DOCK2: variants seen among roughly 807,000 people sequenced by gnomAD.
DOCK2 encodes the protein dedicator of cytokinesis protein 2.
In DOCK2, 87 loss-of-function variants were observed where a neutral mutation model predicts 248.9. That is an observed-to-expected ratio of 0.35 (90% CI 0.29 to 0.42). DOCK2 has a LOEUF of 0.42. Ranked by LOEUF, DOCK2 falls within the 10% of genes least tolerant of loss-of-function variation. The probability of loss-of-function intolerance (pLI) is 1.00; values close to 1 mark genes in which losing one functional copy is unlikely to be tolerated. For synonymous variants in DOCK2, 805 were observed against 821.6 expected (o/e 0.98, Z 0.35); for missense variants, 1,747 against 2,300.2 (o/e 0.76, Z 4.92).
intron 27 of DOCK2, among the ~76,000 whole-genome samples, chr5:169,940,118 C>T (rs558231568): frequency 6.6e-6 from 1 of 152,250 alleles, no homozygotes; most frequent in South Asian, 2.1e-4. Flanking sequence ...TGGTCCCCTC[C>T]GTCTATTGAA....
intron 6 of DOCK2, among the ~76,000 whole-genome samples, chr5:169,677,508 G>A (rs929502606): frequency 2.0e-5 from 3 of 152,106 alleles, no homozygotes; most frequent in African/African-American, 7.2e-5. Context: ...TTACATACAT[G>A]TTTACCCGTT....
chr5:169,984,180 G>A (rs1778008958), intron 28 of DOCK2, among the ~76,000 whole-genome samples: 2 of 152,158 alleles, frequency 1.3e-5, no homozygotes, highest in South Asian at 4.1e-4. Flanking sequence ...CCCGTAGCTA[G>A]TATGTGGTGG....
At chr5:169,955,921 AG>A (rs1323050053) in intron 27 of DOCK2, among the ~76,000 whole-genome samples, 1 of 152,114 alleles carries the variant, frequency 6.6e-6, no homozygotes, top group East Asian at 1.9e-4. Context: ...GAACAAGCCA[AG>A]TGTGCTTTGG....
chr5:169,837,114 TA>T (rs1482193277), intron 26 of DOCK2, among the ~76,000 whole-genome samples: 2 of 152,094 alleles, frequency 1.3e-5, no homozygotes, highest in Non-Finnish European at 2.9e-5. Flanking sequence ...GAGCTCTGCA[TA>T]AGACTTCATT....
At chr5:169,864,552 G>T in intron 27 of DOCK2, 1 of 1,021,716 alleles carries the variant, frequency 9.8e-7, no homozygotes, top group South Asian at 1.7e-5. Flanking sequence ...GGAAGAGCAT[G>T]AGCTTTGGGA....
chr5:169,943,319 G>A (rs1482686980), intron 27 of DOCK2, among the ~76,000 whole-genome samples: 7 of 152,142 alleles, frequency 4.6e-5, no homozygotes, highest in Non-Finnish European at 1.0e-4. Context: ...GCTGTCTAAA[G>A]GTTGATCCCA....
intron 26 of DOCK2, among the ~76,000 whole-genome samples, chr5:169,827,536 C>T (rs1768946014): frequency 6.6e-6 from 1 of 152,190 alleles, no homozygotes; most frequent in Admixed American, 6.5e-5. Flanking sequence ...CTTTCCTGCT[C>T]ACCAGCTTGT....
chr5:169,797,216 G>T (rs972454292), intron 25 of DOCK2, among the ~76,000 whole-genome samples: 5 of 152,206 alleles, frequency 3.3e-5, no homozygotes, highest in African/African-American at 1.2e-4. Context: ...ACAGACTTGT[G>T]GGGAAGAGGG....
At chr5:169,816,202 G>A (rs1182427094) in intron 26 of DOCK2, among the ~76,000 whole-genome samples, 1 of 152,108 alleles carries the variant, frequency 6.6e-6, no homozygotes, top group Non-Finnish European at 1.5e-5. Context: ...GAGGGAGGAG[G>A]CGCCCTGTTT....
At chr5:169,908,955 T>C (rs1774445304) in intron 27 of DOCK2, among the ~76,000 whole-genome samples, 1 of 152,190 alleles carries the variant, frequency 6.6e-6, no homozygotes, top group African/African-American at 2.4e-5. Context: ...TTAGGAATTA[T>C]GTCCAAGGTC....
chr5:169,730,742 C>A, intron 22 of DOCK2, among the ~76,000 whole-genome samples: 1 of 152,166 alleles, frequency 6.6e-6, no homozygotes, highest in Non-Finnish European at 1.5e-5. Flanking sequence ...GCTCAACTCC[C>A]TTAAGCATTT....
chr5:169,669,431 G>A (rs1227960469), intron 3 of DOCK2, 103 bp downstream of exon 3: 2 of 1,300,294 alleles, frequency 1.5e-6, no homozygotes, highest in Non-Finnish European at 2.2e-6. Flanking sequence ...TCAGCAAAGG[G>A]AATCCATCTC....
intron 27 of DOCK2, among the ~76,000 whole-genome samples, chr5:169,922,499 A>T (rs925106386): frequency 2.6e-5 from 4 of 152,212 alleles, no homozygotes; most frequent in African/African-American, 7.2e-5. Context: ...ACATTTAATT[A>T]TCTAAGTAAA....
At chr5:170,013,556 T>C (rs57407852) in intron 32 of DOCK2, among the ~76,000 whole-genome samples, 40,744 of 151,656 alleles carry the variant, frequency 0.27, 6,062 homozygotes, top group East Asian at 0.41. Context: ...GAAGGGGCCA[T>C]GAACCAAGGA....
chr5:169,822,023 A>G (rs990971394), intron 26 of DOCK2, among the ~76,000 whole-genome samples: 6 of 152,214 alleles, frequency 3.9e-5, no homozygotes, highest in East Asian at 1.9e-4. Flanking sequence ...AGACAAAGAA[A>G]GCCATTACAT....
intron 22 of DOCK2, among the ~76,000 whole-genome samples, chr5:169,747,151 G>T (rs1763657195): frequency 6.6e-6 from 1 of 152,090 alleles, no homozygotes. Flanking sequence ...TTTCCTTGGG[G>T]TTTAAAAAAA....
intron 30 of DOCK2, among the ~76,000 whole-genome samples, chr5:170,007,798 C>T (rs1755101710): frequency 6.6e-6 from 1 of 152,114 alleles, no homozygotes; most frequent in Admixed American, 6.6e-5. Flanking sequence ...CCAGCAGGGG[C>T]TGTAACTGAA....
At chr5:170,023,481 T>C (rs1156390551) in intron 33 of DOCK2, among the ~76,000 whole-genome samples, 1 of 152,162 alleles carries the variant, frequency 6.6e-6, no homozygotes, top group East Asian at 1.9e-4. Flanking sequence ...ATAGACCTAC[T>C]TCTTATAAGC....
At chr5:169,756,012 C>T (rs1472649599) in intron 23 of DOCK2, among the ~76,000 whole-genome samples, 5 of 152,142 alleles carry the variant, frequency 3.3e-5, no homozygotes, top group Non-Finnish European at 7.3e-5. Context: ...ATGGGCTGTC[C>T]CCATTGGGAA....
Sources: allele counts gnomAD v4.1 joint callset (sites outside exome capture counted in the v4.1 genomes callset), GRCh38; gene constraint gnomAD v4.1.1; transcripts MANE v1.5; gene names NCBI Gene and HGNC (gene_info 2026-07-23, HGNC 2026-07-21).